TMEM163: variants seen among roughly 807,000 people sequenced by gnomAD.
TMEM163 encodes transmembrane protein 163.
Under a neutral mutation model 29.3 loss-of-function variants are expected in TMEM163, and 17 were observed. The observed-to-expected ratio is 0.58, with a 90% CI of 0.40 to 0.87. The LOEUF (loss-of-function observed/expected upper bound fraction) is 0.87, where lower values mean the gene tolerates loss of function less well. TMEM163 is among the 40% of genes least tolerant of loss of function. The pLI is 0.00. For synonymous variants in TMEM163, 157 were observed against 160.6 expected (o/e 0.98, Z 0.17); for missense variants, 303 against 381.5 (o/e 0.79, Z 1.71).
chr2:134,571,339 C>A (rs1055856166), intron 2 of TMEM163, among the ~76,000 whole-genome samples: 1 of 152,142 alleles, frequency 6.6e-6, no homozygotes, highest in Non-Finnish European at 1.5e-5. Context: ...TAATGGCCAA[C>A]AAGGCTATGG....
chr2:134,622,157 G>C (rs79633745), intron 2 of TMEM163, among the ~76,000 whole-genome samples: 4,007 of 152,276 alleles, frequency 0.026, 186 homozygotes, highest in African/African-American at 0.091. Flanking sequence ...ACTCGAAGTT[G>C]AGAATAGAGA....
At chr2:134,694,184 T>C (rs1342225254) in intron 2 of TMEM163, among the ~76,000 whole-genome samples, 1 of 152,176 alleles carries the variant, frequency 6.6e-6, no homozygotes, top group Non-Finnish European at 1.5e-5. Flanking sequence ...AAGTGTTAGC[T>C]AAGAAAATAA....
chr2:134,718,307 C>A (rs1264721935), intron 1 of TMEM163, among the ~76,000 whole-genome samples: 2 of 152,220 alleles, frequency 1.3e-5, no homozygotes, highest in Admixed American at 6.5e-5. Flanking sequence ...TTCTCCCAGG[C>A]AGCCGGCGGA....
chr2:134,457,935 G>A (rs1574145070), intron 7 of TMEM163, 97 bp downstream of exon 7: 1 of 1,569,562 alleles, frequency 6.4e-7, no homozygotes, highest in Non-Finnish European at 8.7e-7. Flanking sequence ...TACAAAATAT[G>A]ACCTTCAGAA....
intron 4 of TMEM163, among the ~76,000 whole-genome samples, chr2:134,541,618 G>A (rs1000397926): frequency 1.8e-4 from 27 of 152,224 alleles, no homozygotes; most frequent in African/African-American, 5.8e-4. Flanking sequence ...ATAGAATACC[G>A]CACAGCTATC....
intron 1 of TMEM163, among the ~76,000 whole-genome samples, chr2:134,717,408 G>C (rs1383734526): frequency 6.6e-6 from 1 of 152,220 alleles, no homozygotes; most frequent in East Asian, 1.9e-4. Flanking sequence ...CAGAGGTGCA[G>C]AATTCGTTGC....
At chr2:134,611,855 C>G (rs1356084176) in intron 2 of TMEM163, among the ~76,000 whole-genome samples, 1 of 152,152 alleles carries the variant, frequency 6.6e-6, no homozygotes, top group Non-Finnish European at 1.5e-5. Context: ...TTGGGGGAAA[C>G]AGGCAAAAAC....
At chr2:134,481,396 T>C (rs1338807499) in intron 5 of TMEM163, among the ~76,000 whole-genome samples, 1 of 150,886 alleles carries the variant, frequency 6.6e-6, no homozygotes, top group African/African-American at 2.4e-5. Flanking sequence ...GGGGAGCTTT[T>C]CCTGTGCTAT....
At position 134,549,456 on chromosome 2, in the gene TMEM163, T is replaced by A. The variant is rs369348469; in HGVS notation, c.458+1114A>T. Among the ~76,000 whole-genome samples, 676 of 152,328 alleles carry A rather than the reference T, an allele frequency of 4.4e-3. 1 individual carries two copies. The highest frequency in any genetic ancestry group is 6.8e-3 in the Non-Finnish European group (462 of 68,020). ...TCCACCTCCTGGGTTCAAGCAATTATCCCACCTCAGCCTCCCGAGTAGGTG... is the reference window on the plus strand; with the variant it reads ...TCCACCTCCTGGGTTCAAGCAATTAACCCACCTCAGCCTCCCGAGTAGGTG... On this transcript the variant is annotated intron_variant, in intron 4 of 7. Coordinates refer to ENST00000281924, the MANE Select transcript of TMEM163 (RefSeq NM_030923.5).
intron 4 of TMEM163, among the ~76,000 whole-genome samples, chr2:134,549,860 TTGTGTG>T (rs59083525): frequency 1.3e-5 from 2 of 150,042 alleles, no homozygotes; most frequent in Admixed American, 1.3e-4. Flanking sequence ...GTGTGTGTGT[TTGTGTG>T]TGTGTGTGTG....
intron 3 of TMEM163, 138 bp from the exon 4 acceptor site, chr2:134,550,799 G>A (rs575967963): frequency 1.5e-5 from 12 of 796,248 alleles, no homozygotes; most frequent in East Asian, 5.5e-5. Context: ...TCATTACGAC[G>A]CAGCCACTTA....
chr2:134,630,041 C>T (rs867175656), intron 2 of TMEM163, among the ~76,000 whole-genome samples: 2 of 152,126 alleles, frequency 1.3e-5, no homozygotes, highest in Non-Finnish European at 2.9e-5. Flanking sequence ...GCAATTGAAT[C>T]CATTCATGCA....
intron 2 of TMEM163, among the ~76,000 whole-genome samples, chr2:134,593,797 C>T (rs973548461): frequency 6.7e-6 from 1 of 150,136 alleles, no homozygotes; most frequent in Admixed American, 6.7e-5. Context: ...GACTACGACA[C>T]TGACTCTGGG....
At chr2:134,633,199 C>A (rs1683020132) in intron 2 of TMEM163, among the ~76,000 whole-genome samples, 1 of 152,124 alleles carries the variant, frequency 6.6e-6, no homozygotes, top group African/African-American at 2.4e-5. Flanking sequence ...GTCTGTCATT[C>A]CTGGCCTAGA....
intron 2 of TMEM163, among the ~76,000 whole-genome samples, chr2:134,672,108 TA>T (rs1684008410): frequency 1.3e-5 from 2 of 152,326 alleles, no homozygotes; most frequent in South Asian, 2.1e-4. Context: ...CTATAAATTA[TA>T]AAAGTAACAA....
intron 2 of TMEM163, among the ~76,000 whole-genome samples, chr2:134,602,170 G>A (rs1682250493): frequency 6.6e-6 from 1 of 152,206 alleles, no homozygotes; most frequent in African/African-American, 2.4e-5. Flanking sequence ...CCCTGTAACT[G>A]GACAGAGATC....
intron 5 of TMEM163, among the ~76,000 whole-genome samples, chr2:134,480,643 G>A (rs1687032016): frequency 6.6e-6 from 1 of 152,086 alleles, no homozygotes; most frequent in Non-Finnish European, 1.5e-5. Context: ...TTGGGATAAA[G>A]CAGTCAGTGG....
At chr2:134,599,689 T>G (rs1046911051) in intron 2 of TMEM163, among the ~76,000 whole-genome samples, 2 of 142,492 alleles carry the variant, frequency 1.4e-5, no homozygotes, top group African/African-American at 2.6e-5. Flanking sequence ...GTTCCCAACT[T>G]TATCTTTTTT....
chr2:134,650,677 A>C, intron 2 of TMEM163, among the ~76,000 whole-genome samples: 3 of 140,406 alleles, frequency 2.1e-5, no homozygotes, highest in East Asian at 2.1e-4. Context: ...ATATCTCCCA[A>C]TGCTATCCCT....
Sources: gnomAD v4.1 joint callset for allele counts (sites outside exome capture counted in the v4.1 genomes callset) on GRCh38, gnomAD v4.1.1 for gene constraint, MANE v1.5 for transcripts, NCBI Gene and HGNC (gene_info 2026-07-23, HGNC 2026-07-21) for gene names.